The following LEPR variants were observed in gnomAD, a reference collection of about 807,000 sequenced individuals.
The protein encoded by LEPR is OB receptor.
A neutral mutation model predicts 114.7 loss-of-function variants in LEPR; 56 were observed. That is an observed-to-expected ratio of 0.49 (90% CI 0.39 to 0.61). LEPR has a LOEUF of 0.61. LEPR is among the 20% of genes least tolerant of loss of function. The pLI, the probability that LEPR is intolerant of heterozygous loss-of-function variation, is 0.00. For synonymous variants in LEPR, 443 were observed against 461.4 expected, an observed-to-expected ratio of 0.96 and a Z score of 0.51; for missense variants, 1,202 against 1,352.9, an observed-to-expected ratio of 0.89 and a Z score of 1.75.
intron 2 of LEPR, among the ~76,000 whole-genome samples, chr1:65,468,077 C>G (rs538462160): frequency 6.6e-6 from 1 of 152,300 alleles, no homozygotes; most frequent in East Asian, 1.9e-4. Flanking sequence ...TGAGATGAAC[C>G]AGGTACCTCA....
At chr1:65,565,494 A>G (rs1265111702) in intron 2 of LEPR, 52 bp from the exon 3 acceptor site, 6 of 1,559,434 alleles carry the variant, frequency 3.8e-6, no homozygotes, top group South Asian at 1.1e-5. Context: ...CAACTTATAT[A>G]TATGTGTTTT....
intron 2 of LEPR, among the ~76,000 whole-genome samples, chr1:65,454,134 G>A (rs1646830589): frequency 1.3e-5 from 2 of 151,130 alleles, no homozygotes; most frequent in Admixed American, 6.6e-5. Flanking sequence ...CCATTTGCTT[G>A]GTAGATCTTC....
intron 14 of LEPR, among the ~76,000 whole-genome samples, chr1:65,615,162 C>A (rs923391691): frequency 6.6e-6 from 1 of 151,948 alleles, no homozygotes; most frequent in Non-Finnish European, 1.5e-5. Flanking sequence ...GTTTATTTTT[C>A]TCTGCCATTT....
chr1:65,579,094 C>T (rs1176177148), intron 5 of LEPR, among the ~76,000 whole-genome samples: 1 of 152,138 alleles, frequency 6.6e-6, no homozygotes, highest in African/African-American at 2.4e-5. Context: ...ATGTAGTTAT[C>T]TAGTTGGTGA....
Position 65,618,082 on chromosome 1 carries a change from T to C in LEPR, c.2331T>C (p.Leu777=). 1 of 1,611,798 alleles carries C rather than the reference T, an allele frequency of 6.2e-7. No individual in the cohort carries two copies. The highest frequency in any genetic ancestry group is 8.5e-7 in the Non-Finnish European group (1 of 1,179,050). ...LMYFIIEWKN[L]NEDGEIKWLR... is the part of the protein sequence containing the mutation. Reference sequence around the variant, plus strand: ...ATTTTATTATTGAGTGGAAAAATCTTAATGAAGATGGTGAAATAAAATGGC... The same window carrying C: ...ATTTTATTATTGAGTGGAAAAATCTCAATGAAGATGGTGAAATAAAATGGC... Residue 777 remains leucine (L), a synonymous_variant, in exon 16 of 20, where the codon CTT becomes CTC. Coordinates refer to ENST00000349533, the MANE Select transcript of LEPR (RefSeq NM_002303.6).
chr1:65,504,187 G>A (rs573140477), intron 2 of LEPR, among the ~76,000 whole-genome samples: 4 of 152,216 alleles, frequency 2.6e-5, no homozygotes, highest in East Asian at 1.9e-4. Flanking sequence ...ATAAACAGTC[G>A]AGTAAGTAAA....
At chr1:65,596,350 G>T in intron 6 of LEPR, 98 bp from the exon 7 acceptor site, 1 of 1,461,928 alleles carries the variant, frequency 6.8e-7, no homozygotes, top group Non-Finnish European at 9.4e-7. Flanking sequence ...TACTTGAAAG[G>T]CAAGATATGA....
chr1:65,437,787 T>G (rs1646585162), intron 2 of LEPR, among the ~76,000 whole-genome samples: 1 of 151,978 alleles, frequency 6.6e-6, no homozygotes, highest in Non-Finnish European at 1.5e-5. Context: ...AGGGTGGCCA[T>G]GAAAGCCTCA....
chr1:65,626,791 G>A (rs954068958), intron 19 of LEPR, among the ~76,000 whole-genome samples: 1 of 151,904 alleles, frequency 6.6e-6, no homozygotes, highest in African/African-American at 2.4e-5. Context: ...CCATAGGCGC[G>A]TGCCACCACG....
At chr1:65,636,041 G>GAT in intron 19 of LEPR, 150 bp from the exon 20 acceptor site, 1 of 833,768 alleles carries the variant, frequency 1.2e-6, no homozygotes, top group Non-Finnish European at 1.9e-6. Context: ...TATGCTTTTT[G>GAT]ATATATGTAT....
chr1:65,514,225 G>GATTCC (rs1261747818), intron 2 of LEPR, among the ~76,000 whole-genome samples: 206 of 152,300 alleles, frequency 1.4e-3, no homozygotes, highest in African/African-American at 4.6e-3. Flanking sequence ...GATAGTCAAG[G>GATTCC]AAATATGATT....
At chr1:65,550,589 C>T (rs1024443583) in intron 2 of LEPR, among the ~76,000 whole-genome samples, 4 of 152,164 alleles carry the variant, frequency 2.6e-5, no homozygotes, top group Non-Finnish European at 5.9e-5. Flanking sequence ...TAGCAATCAG[C>T]GAGACTCCGT....
chr1:65,461,314 A>G (rs772001284), intron 2 of LEPR, among the ~76,000 whole-genome samples: 1 of 152,080 alleles, frequency 6.6e-6, no homozygotes, highest in Non-Finnish European at 1.5e-5. Flanking sequence ...AGTAAAATAA[A>G]CCAGGGCTCT....
intron 2 of LEPR, among the ~76,000 whole-genome samples, chr1:65,524,711 C>T (rs766039913): frequency 3.3e-5 from 5 of 152,170 alleles, no homozygotes; most frequent in Non-Finnish European, 7.3e-5. Flanking sequence ...AGAGAATGTC[C>T]ACTACGCTTC....
At chr1:65,587,301 G>A (rs1292438062) in intron 5 of LEPR, among the ~76,000 whole-genome samples, 1 of 151,960 alleles carries the variant, frequency 6.6e-6, no homozygotes, top group Non-Finnish European at 1.5e-5. Context: ...TTTTGTAAAA[G>A]CTTTTATTTT....
At chr1:65,539,287 G>C (rs954148192) in intron 2 of LEPR, among the ~76,000 whole-genome samples, 8 of 150,660 alleles carry the variant, frequency 5.3e-5, no homozygotes, top group African/African-American at 2.0e-4. Flanking sequence ...CTGTGTCCCT[G>C]GTGGTTAGTT....
At chr1:65,474,487 C>G (rs934376124) in intron 2 of LEPR, among the ~76,000 whole-genome samples, 1 of 152,218 alleles carries the variant, frequency 6.6e-6, no homozygotes, top group East Asian at 1.9e-4. Context: ...CATCTGGTCA[C>G]TATCTAAGTA....
intron 17 of LEPR, 78 bp from the exon 18 acceptor site, chr1:65,621,275 C>A: frequency 1.7e-6 from 2 of 1,209,812 alleles, no homozygotes; most frequent in Non-Finnish European, 1.2e-6. Context: ...CAGAAAATGT[C>A]TACTATAATT....
intron 2 of LEPR, among the ~76,000 whole-genome samples, chr1:65,557,653 C>A (rs1652917825): frequency 6.6e-6 from 1 of 152,226 alleles, no homozygotes; most frequent in East Asian, 1.9e-4. Context: ...CTCCCGACCT[C>A]AAGTGATCCA....
Sources: gnomAD v4.1 joint callset for allele counts (sites outside exome capture counted in the v4.1 genomes callset) on GRCh38, gnomAD v4.1.1 for gene constraint, MANE v1.5 for transcripts, NCBI Gene and HGNC (gene_info 2026-07-23, HGNC 2026-07-21) for gene names.